The following SNX7 variants were observed in gnomAD, a reference collection of about 807,000 sequenced individuals.
The protein encoded by SNX7 is sorting nexin 7.
Under a neutral mutation model 48.4 loss-of-function variants are expected in SNX7, and 35 were observed. The observed-to-expected ratio is 0.72, with a 90% CI of 0.55 to 0.96. The LOEUF is 0.96. Among genes scored for constraint, SNX7 ranks in the 40% least tolerant of loss-of-function variants. SNX7 has a pLI of 0.00. For missense variants in SNX7, 553 were observed against 548.9 expected, an observed-to-expected ratio of 1.01 and a Z score of -0.07; for synonymous variants, 190 against 190.2, an observed-to-expected ratio of 1.00 and a Z score of 0.01.
At chr1:98,675,687 T>C (rs1012906063) in intron 1 of SNX7, among the ~76,000 whole-genome samples, 2 of 152,170 alleles carry the variant, frequency 1.3e-5, no homozygotes, top group African/African-American at 4.8e-5. Context: ...CAAATTAAAA[T>C]TTGTCAGCTT....
intron 1 of SNX7, among the ~76,000 whole-genome samples, chr1:98,663,061 C>T (rs147098132): frequency 2.6e-3 from 392 of 152,264 alleles, no homozygotes; most frequent in African/African-American, 8.8e-3. Flanking sequence ...GTTGTAAACT[C>T]TGCCTTTTTA....
intron 8 of SNX7, among the ~76,000 whole-genome samples, chr1:98,742,688 G>A (rs2101041491): frequency 6.6e-6 from 1 of 152,108 alleles, no homozygotes; most frequent in South Asian, 2.1e-4. Flanking sequence ...GTACACAAAT[G>A]TATGATGAGG....
At chr1:98,676,758 T>G (rs1377338803) in intron 1 of SNX7, among the ~76,000 whole-genome samples, 2 of 152,242 alleles carry the variant, frequency 1.3e-5, no homozygotes, top group African/African-American at 2.4e-5. Context: ...ACATCAGAAT[T>G]TATTACATTG....
intron 1 of SNX7, among the ~76,000 whole-genome samples, chr1:98,664,349 G>A (rs1649426037): frequency 6.6e-6 from 1 of 152,126 alleles, no homozygotes; most frequent in African/African-American, 2.4e-5. Context: ...CCAACATAGT[G>A]AAACCCCATC....
At chr1:98,664,827 G>T (rs1570475717) in intron 1 of SNX7, among the ~76,000 whole-genome samples, 1 of 152,204 alleles carries the variant, frequency 6.6e-6, no homozygotes, top group East Asian at 1.9e-4. Context: ...AACGGGGATA[G>T]ATGTTAGAAG....
chr1:98,691,226 G>C (rs1651106267), intron 3 of SNX7, 41 bp downstream of exon 3: 1 of 1,248,088 alleles, frequency 8.0e-7, no homozygotes, highest in African/African-American at 1.5e-5. Flanking sequence ...ATAGCTACCA[G>C]TTTTCTAGTG....
chr1:98,705,874 A>G (rs1042920748), intron 7 of SNX7, among the ~76,000 whole-genome samples: 2 of 152,114 alleles, frequency 1.3e-5, no homozygotes, highest in African/African-American at 4.8e-5. Context: ...TTAATATGAG[A>G]AAGACGTAGG....
chr1:98,744,745 TAAAAC>T (rs1654234443), intron 8 of SNX7, among the ~76,000 whole-genome samples: 1 of 151,962 alleles, frequency 6.6e-6, no homozygotes, highest in African/African-American at 2.4e-5. Flanking sequence ...GAAGAGGTAA[TAAAAC>T]AAAAACTATC....
intron 8 of SNX7, among the ~76,000 whole-genome samples, chr1:98,758,135 TGAGTG>T (rs1210655449): frequency 2.0e-5 from 3 of 152,092 alleles, no homozygotes; most frequent in African/African-American, 7.2e-5. Context: ...AAATATTTGT[TGAGTG>T]AAGAGATTTT....
intron 4 of SNX7, 31 bp downstream of exon 4, chr1:98,691,730 C>T: frequency 6.6e-7 from 1 of 1,518,816 alleles, no homozygotes; most frequent in Non-Finnish European, 8.9e-7. Context: ...CTCATATAAT[C>T]TTTGGGTGTC....
chr1:98,695,128 T>G (rs180909551), intron 4 of SNX7, among the ~76,000 whole-genome samples: 22 of 152,334 alleles, frequency 1.4e-4, no homozygotes, highest in Admixed American at 1.4e-3. Flanking sequence ...GAGTATAACT[T>G]AGGCCCTGAG....
At chr1:98,714,327 G>GGTA (rs539409055) in intron 7 of SNX7, among the ~76,000 whole-genome samples, 25 of 152,288 alleles carry the variant, frequency 1.6e-4, no homozygotes, top group African/African-American at 5.8e-4. Context: ...CTGTGAGATA[G>GGTA]GTAGTAATTT....
At chr1:98,753,972 A>G (rs1654713278) in intron 8 of SNX7, among the ~76,000 whole-genome samples, 1 of 152,084 alleles carries the variant, frequency 6.6e-6, no homozygotes, top group South Asian at 2.1e-4. Context: ...AAATCAATAA[A>G]ATACTAATAA....
At chr1:98,679,469 C>T (rs1337405525) in intron 1 of SNX7, among the ~76,000 whole-genome samples, 1 of 152,122 alleles carries the variant, frequency 6.6e-6, no homozygotes, top group Admixed American at 6.5e-5. Context: ...TCCCAACAGT[C>T]CCCAAAGTTT....
At chr1:98,681,936 A>G (rs938839288) in intron 1 of SNX7, among the ~76,000 whole-genome samples, 5 of 152,160 alleles carry the variant, frequency 3.3e-5, no homozygotes, top group Admixed American at 6.5e-5. Context: ...CTTACTCTCA[A>G]TAAGTAAAAG....
In SNX7 at chr1:98,745,621, C is replaced by A. The variant is rs1411743104; in HGVS notation, c.1278+7232C>A. 2.6e-5 allele frequency among the ~76,000 whole-genome samples: 4 copies of A among 152,182 alleles called. 1 individual carries two copies. The highest frequency in any genetic ancestry group is 3.4e-3 in the Middle Eastern group (1 of 294). On this transcript the variant is annotated intron_variant, in intron 8 of 8. Transcript: ENST00000306121. ...CTATATTTCTGGCAAAGCAAACACA[C>A]CAGCTTGAGAGGATAAGAAGCTTAG...
At chr1:98,671,702 C>G (rs917995346) in intron 1 of SNX7, among the ~76,000 whole-genome samples, 1 of 152,078 alleles carries the variant, frequency 6.6e-6, no homozygotes, top group African/African-American at 2.4e-5. Flanking sequence ...TCTGTTTTCT[C>G]TCTGTCATAG....
intron 4 of SNX7, among the ~76,000 whole-genome samples, chr1:98,691,914 T>TATACACACAC (rs143738586): frequency 0.031 from 4,187 of 133,364 alleles, 163 homozygotes; most frequent in East Asian, 0.16. Flanking sequence ...TCCATATATA[T>TATACACACAC]ACACACACAC....
chr1:98,698,931 C>T, intron 6 of SNX7, 26 bp downstream of exon 6: 1 of 1,604,830 alleles, frequency 6.2e-7, no homozygotes, highest in Non-Finnish European at 8.5e-7. Context: ...TCTAATTTTA[C>T]CTCAGTCCCT....
Sources: allele counts gnomAD v4.1 joint callset (sites outside exome capture counted in the v4.1 genomes callset), GRCh38; gene constraint gnomAD v4.1.1; transcripts MANE v1.5; gene names NCBI Gene and HGNC (gene_info 2026-07-23, HGNC 2026-07-21).